The following ZNF678 variants were observed in gnomAD, a reference collection of about 807,000 sequenced individuals.
ZNF678 encodes zinc finger protein 678, also known as hypothetical protein MGC42493.
In ZNF678, 5 loss-of-function variants were observed where a neutral mutation model predicts 3.0. The observed-to-expected ratio is 1.69, with a 90% CI of 0.88 to 3.56. The LOEUF is 3.56. Among genes scored for constraint, ZNF678 ranks in the 30% most tolerant of loss-of-function variants. ZNF678 has a pLI of 0.00. For synonymous variants in ZNF678, 218 were observed against 199.6 expected, an observed-to-expected ratio of 1.09 and a Z score of -0.78; for missense variants, 593 against 605.0, an observed-to-expected ratio of 0.98 and a Z score of 0.21.
intron 1 of ZNF678, among the ~76,000 whole-genome samples, chr1:227,632,032 C>G (rs1658558886): frequency 6.6e-6 from 1 of 152,150 alleles, no homozygotes; most frequent in Admixed American, 6.5e-5. Flanking sequence ...GAGGGGTAAG[C>G]TGGGTAGAAA....
At chr1:227,582,495 T>A (rs933011738) in intron 1 of ZNF678, 1 of 149,912 alleles carries the variant, frequency 6.7e-6, no homozygotes, top group Non-Finnish European at 1.5e-5. Flanking sequence ...TAATTTTTTT[T>A]TTTTTTTTTT....
At chr1:227,565,006 T>A (rs1656633416) in intron 1 of ZNF678, among the ~76,000 whole-genome samples, 1 of 151,658 alleles carries the variant, frequency 6.6e-6, no homozygotes, top group Non-Finnish European at 1.5e-5. Flanking sequence ...GTGCTGGGAT[T>A]ACAGGCGTGA....
At chr1:227,631,760 C>T (rs772094452) in intron 1 of ZNF678, among the ~76,000 whole-genome samples, 3 of 152,196 alleles carry the variant, frequency 2.0e-5, no homozygotes, top group Non-Finnish European at 4.4e-5. Context: ...GTGCTAAAGT[C>T]CAGTTGTTAA....
chr1:227,632,329 C>T lies in ZNF678; in HGVS notation c.-163-14215C>T, dbSNP rs1430627642. The stretch of plus-strand genomic sequence containing the variant: ...GCATTAGTACCTAGGAGGCAGGGGT[C>T]GGAGGAAGTAGATTCAGAGGTAAGG... On this transcript the variant is annotated intron_variant, in intron 1 of 3. Transcript: ENST00000343776. Among the ~76,000 whole-genome samples, 5 of 152,070 alleles carry T rather than the reference C, an allele frequency of 3.3e-5. No homozygotes were observed. The South Asian group carries it at 6.2e-4, about 19-fold the overall frequency.
At chr1:227,595,441 C>T (rs150048161) in intron 1 of ZNF678, among the ~76,000 whole-genome samples, 1,640 of 152,298 alleles carry the variant, frequency 0.011, 34 homozygotes, top group African/African-American at 0.038. Context: ...ATCCAGGCTT[C>T]TTTCTGATGG....
chr1:227,630,036 C>CT (rs1658512631), intron 1 of ZNF678, among the ~76,000 whole-genome samples: 1 of 151,662 alleles, frequency 6.6e-6, no homozygotes, highest in East Asian at 1.9e-4. Flanking sequence ...ACTAGGGTTT[C>CT]TAAGTTTTGC....
intron 1 of ZNF678, among the ~76,000 whole-genome samples, chr1:227,619,274 T>TA (rs1358614310): frequency 6.6e-6 from 1 of 152,238 alleles, no homozygotes; most frequent in Non-Finnish European, 1.5e-5. Flanking sequence ...AATAAATTGA[T>TA]AAACAGTAAA....
chr1:227,571,838 C>A (rs568253286), intron 1 of ZNF678, among the ~76,000 whole-genome samples: 15 of 152,104 alleles, frequency 9.9e-5, no homozygotes, highest in Non-Finnish European at 2.2e-4. Context: ...GTCAGGAGAT[C>A]GAGACCATCC....
chr1:227,673,505 CCTT>C (rs1378236130), intron 5 of ZNF678, among the ~76,000 whole-genome samples: 5 of 152,224 alleles, frequency 3.3e-5, no homozygotes, highest in Non-Finnish European at 7.3e-5. Flanking sequence ...TCTTTAGTCA[CCTT>C]CTTCTCATTC....
At chr1:227,673,357 A>G (rs549450655) in intron 5 of ZNF678, among the ~76,000 whole-genome samples, 3 of 152,224 alleles carry the variant, frequency 2.0e-5, no homozygotes, top group African/African-American at 4.8e-5. Context: ...TGCTAGTTGC[A>G]TCTTGGTTCT....
chr1:227,655,253 C>T lies in ZNF678; in HGVS notation c.1003C>T (p.His335Tyr), dbSNP rs1558158212. 7 of 1,609,068 alleles carry T rather than the reference C, an allele frequency of 4.4e-6. No homozygotes were observed. Among genetic ancestry groups the T allele is most frequent in the Non-Finnish European group, 5.9e-6 (7 of 1,178,164 alleles). Residue 335 changes from histidine (H) to tyrosine (Y), a missense_variant, in exon 4 of 4, where the codon CAC becomes TAC. Coordinates refer to ENST00000343776, the MANE Select transcript of ZNF678 (RefSeq NM_001367909.1). ...ECGKTFNRCS[H>Y]LSSHKRIHTG... is the part of the protein sequence containing the mutation. ...TGGCAAAACTTTTAATCGGTGTTCA[C>T]ACCTAAGTAGCCATAAGAGAATTCA...
At chr1:227,653,222 T>G (rs887286769) in intron 3 of ZNF678, among the ~76,000 whole-genome samples, 1 of 152,086 alleles carries the variant, frequency 6.6e-6, no homozygotes, top group Non-Finnish European at 1.5e-5. Context: ...AAAATCTTGC[T>G]TATAATGTGT....
intron 1 of ZNF678, among the ~76,000 whole-genome samples, chr1:227,610,113 A>G (rs961348213): frequency 1.3e-5 from 2 of 152,170 alleles, no homozygotes; most frequent in Admixed American, 1.3e-4. Flanking sequence ...TCTAATAAGT[A>G]TGAGTTTATA....
At chr1:227,606,999 A>G (rs906374203) in intron 1 of ZNF678, among the ~76,000 whole-genome samples, 6 of 152,220 alleles carry the variant, frequency 3.9e-5, no homozygotes, top group Non-Finnish European at 1.5e-5. Context: ...CACAGTAACA[A>G]TCTGATCTTT....
At position 227,624,412 on chromosome 1, in the gene ZNF678, G is replaced by A. The variant is rs117854923; in HGVS notation, c.-163-22132G>A. Among the ~76,000 whole-genome samples, 715 of 152,228 alleles carry A rather than the reference G, an allele frequency of 4.7e-3. 19 individuals are homozygous for A. The South Asian group carries it at 0.057, about 12-fold the overall frequency. Reference sequence around the variant, plus strand: ...GAGTACCTGGTTTTAACTTCATATCGCTGAAAGAGATACTGAGAAATCCAT... The same window carrying A: ...GAGTACCTGGTTTTAACTTCATATCACTGAAAGAGATACTGAGAAATCCAT... On this transcript the variant is annotated intron_variant, in intron 1 of 3. Transcript: ENST00000343776.
rs1659396276 is a variant in ZNF678 at position 227,661,246 on chromosome 1, T to C, written c.*5418T>C. ...ATCTCAACCAGAACCTTCTCAGATATTTTGTTGAACGTGGGACCTTTGTTT... is the reference window on the plus strand; with the variant it reads ...ATCTCAACCAGAACCTTCTCAGATACTTTGTTGAACGTGGGACCTTTGTTT... On this transcript the variant is annotated 3_prime_UTR_variant, in exon 4 of 4. Coordinates refer to ENST00000343776, the MANE Select transcript of ZNF678 (RefSeq NM_001367909.1). The C allele has an allele frequency of 6.6e-6, 1 of 152,202 alleles. No individual in the cohort carries two copies. The highest frequency in any genetic ancestry group is 1.5e-5 in the Non-Finnish European group (1 of 68,042). The allele number at this position is 152,202 out of a possible 1,614,324, so 9.4% of individuals were successfully genotyped here.
chr1:227,635,022 G>A (rs1658638013), intron 1 of ZNF678, among the ~76,000 whole-genome samples: 1 of 151,370 alleles, frequency 6.6e-6, no homozygotes, highest in Admixed American at 6.6e-5. Context: ...TCAGCCCAGA[G>A]GCAGAGACTC....
Position 227,654,559 on chromosome 1 carries a change from C to T in ZNF678, c.309C>T (p.Gly103=), listed in dbSNP as rs1466533047. Residue 103 remains glycine (G), a synonymous_variant, in exon 4 of 4, where the codon GGC becomes GGT. Coordinates refer to ENST00000343776, the MANE Select transcript of ZNF678 (RefSeq NM_001367909.1). ...AAATCTTTCAATGTATTGAATGTGG[C>T]AGAAATTTTAGCTGGAGGTCAATCC... is the stretch of plus-strand genomic sequence containing the variant. ...KSKIFQCIEC[G]RNFSWRSILT... 1.9e-6 allele frequency: 3 copies of T among 1,613,308 alleles called. No individual in the cohort carries two copies. The highest frequency in any genetic ancestry group is 2.5e-6 in the Non-Finnish European group (3 of 1,179,550).
chr1:227,654,663 C>G lies in ZNF678; in HGVS notation c.413C>G (p.Ser138Ter), dbSNP rs555900532. ...TGTGGCAAAGTTTTCAATCGATGTTCAAACCTAACAAAACATAAAAGAATT... is the reference window on the plus strand; with the variant it reads ...TGTGGCAAAGTTTTCAATCGATGTTGAAACCTAACAAAACATAAAAGAATT... The part of the protein sequence containing the change: ...EECGKVFNRC[S>*]NLTKHKRIHT... The change falls in exon 4 of 4, where the codon TCA becomes TGA. Residue 138 changes from serine (S) to a stop codon, truncating the protein, a stop_gained. Coordinates refer to ENST00000343776, the MANE Select transcript of ZNF678 (RefSeq NM_001367909.1). LOFTEE classifies it low-confidence loss of function (END_TRUNC). 4 of 1,613,166 alleles carry G rather than the reference C, an allele frequency of 2.5e-6. No homozygotes were observed. Among genetic ancestry groups the G allele is most frequent in the Admixed American group, 1.7e-5 (1 of 59,884 alleles).
Sources: allele counts gnomAD v4.1 joint callset (sites outside exome capture counted in the v4.1 genomes callset), GRCh38; gene constraint gnomAD v4.1.1; transcripts MANE v1.5; gene names NCBI Gene and HGNC (gene_info 2026-07-23, HGNC 2026-07-21).